Variants in SLC16A12 observed in about 807,000 individuals in gnomAD.
SLC16A12 encodes solute carrier family 16 member 12.
A neutral mutation model predicts 42.4 loss-of-function variants in SLC16A12; 17 were observed. The ratio of observed to expected loss-of-function variants is 0.40; its 90% CI spans 0.27 to 0.60. SLC16A12 has a LOEUF of 0.60. SLC16A12 is among the 20% of genes least tolerant of loss of function. The pLI is 0.42. For synonymous variants in SLC16A12, 224 were observed against 229.4 expected, an observed-to-expected ratio of 0.98 and a Z score of 0.21; for missense variants, 544 against 623.0, an observed-to-expected ratio of 0.87 and a Z score of 1.35.
At chr10:89,438,517 A>C (rs1841842250) in intron 6 of SLC16A12, 87 bp downstream of exon 6, 1 of 1,164,710 alleles carries the variant, frequency 8.6e-7, no homozygotes, top group Non-Finnish European at 1.2e-6. Context: ...ATTCAGACCT[A>C]GGTACTCCAC....
intron 2 of SLC16A12, among the ~76,000 whole-genome samples, chr10:89,519,631 G>A (rs1056807546): frequency 2.6e-5 from 4 of 151,890 alleles, no homozygotes; most frequent in Non-Finnish European, 5.9e-5. Flanking sequence ...GCTTCCCCCC[G>A]AGACTTTATG....
chr10:89,538,009 G>A (rs1184142703), upstream of SLC16A12, among the ~76,000 whole-genome samples: 2 of 152,210 alleles, frequency 1.3e-5, no homozygotes, highest in Non-Finnish European at 2.9e-5. Context: ...AGGCAGTGCC[G>A]GATACAGACG....
chr10:89,556,273 C>T (rs1403774712), intron 1 of SLC16A12, among the ~76,000 whole-genome samples: 1 of 151,944 alleles, frequency 6.6e-6, no homozygotes, highest in Non-Finnish European at 1.5e-5. Context: ...GGTGAGGGAA[C>T]TGTGTGACTC....
At chr10:89,511,682 G>T (rs1231426630) in intron 2 of SLC16A12, among the ~76,000 whole-genome samples, 2 of 152,106 alleles carry the variant, frequency 1.3e-5, no homozygotes, top group Non-Finnish European at 2.9e-5. Context: ...GTATACCTCT[G>T]TAACAAACCT....
chr10:89,546,412 G>A (rs1278220512), intron 2 of SLC16A12, among the ~76,000 whole-genome samples: 2 of 152,090 alleles, frequency 1.3e-5, no homozygotes, highest in Non-Finnish European at 2.9e-5. Context: ...ACATTTATGT[G>A]GCCAATAAAC....
At chr10:89,492,061 G>A (rs567861754) in intron 2 of SLC16A12, among the ~76,000 whole-genome samples, 9 of 152,126 alleles carry the variant, frequency 5.9e-5, no homozygotes, top group Non-Finnish European at 8.8e-5. Flanking sequence ...AAGTTATGAC[G>A]AGGAGGAAAT....
intron 2 of SLC16A12, among the ~76,000 whole-genome samples, chr10:89,554,146 A>AGG (rs1473609755): frequency 0.011 from 1,644 of 148,492 alleles, 198 homozygotes; most frequent in African/African-American, 0.038. Context: ...GAAGGAAGGA[A>AGG]AGAAAGAAAG....
At chr10:89,439,707 T>C (rs1028855021) in intron 5 of SLC16A12, among the ~76,000 whole-genome samples, 3 of 152,178 alleles carry the variant, frequency 2.0e-5, no homozygotes, top group African/African-American at 7.2e-5. Context: ...GCAATGTATA[T>C]TTTCATATAT....
chr10:89,501,714 A>G (rs1469739866), intron 2 of SLC16A12, among the ~76,000 whole-genome samples: 1 of 152,146 alleles, frequency 6.6e-6, no homozygotes, highest in Non-Finnish European at 1.5e-5. Flanking sequence ...TTACACCAGT[A>G]CACTCCAGCC....
chr10:89,556,681 G>T (rs1343609307), upstream of SLC16A12: 2 of 152,364 alleles, frequency 1.3e-5, no homozygotes, highest in Non-Finnish European at 2.9e-5. Flanking sequence ...AAGGCATGGT[G>T]CACAGAGAGA....
At chr10:89,530,479 G>A (rs187452479) in intron 2 of SLC16A12, among the ~76,000 whole-genome samples, 2,549 of 150,906 alleles carry the variant, frequency 0.017, 77 homozygotes, top group African/African-American at 0.058. Context: ...GTGCAGTGGC[G>A]GGATCTTGGC....
At chr10:89,535,718 G>A (rs982654184), upstream of SLC16A12, among the ~76,000 whole-genome samples, 1 of 151,608 alleles carries the variant, frequency 6.6e-6, no homozygotes, top group African/African-American at 2.4e-5. Context: ...GCGGTAGCGC[G>A]CGGACATGCC....
chr10:89,520,200 A>T (rs1843330474), intron 2 of SLC16A12, among the ~76,000 whole-genome samples: 1 of 152,292 alleles, frequency 6.6e-6, no homozygotes, highest in African/African-American at 2.4e-5. Context: ...AAGCTTCCAC[A>T]AAACAATCAG....
Position 89,431,243 on chromosome 10 carries a change from C to T in SLC16A12, c.*1821G>A, listed in dbSNP as rs930522799. ...TGATCTCCTGACCTCATGATCCACCCGCCTCAGCCTCCCAAAGTGCTGGGA... is the reference window on the plus strand; with the variant it reads ...TGATCTCCTGACCTCATGATCCACCTGCCTCAGCCTCCCAAAGTGCTGGGA... On this transcript the variant is annotated 3_prime_UTR_variant, in exon 8 of 8. Coordinates refer to ENST00000371790, the MANE Select transcript of SLC16A12 (RefSeq NM_213606.4). 43 of 153,484 alleles carry T rather than the reference C, an allele frequency of 2.8e-4. No homozygotes were observed. Among genetic ancestry groups the T allele is most frequent in the Admixed American group, 7.8e-4 (12 of 15,372 alleles). 9.5% of individuals were successfully genotyped at this position (153,484 alleles called of 1,614,324 possible).
At chr10:89,497,882 T>A (rs1331621904) in intron 2 of SLC16A12, among the ~76,000 whole-genome samples, 2 of 152,176 alleles carry the variant, frequency 1.3e-5, no homozygotes, top group Non-Finnish European at 2.9e-5. Context: ...TAATTATACC[T>A]CCAATATCTT....
At chr10:89,472,487 CTTTT>C (rs71022567) in intron 2 of SLC16A12, among the ~76,000 whole-genome samples, 3 of 89,914 alleles carry the variant, frequency 3.3e-5, no homozygotes, top group African/African-American at 1.2e-4. Flanking sequence ...TCTTTTCTTT[CTTTT>C]TTTTTTTTTT....
chr10:89,554,068 GAAAGAAA>G (rs1843788947), intron 2 of SLC16A12, among the ~76,000 whole-genome samples: 1 of 105,654 alleles, frequency 9.5e-6, no homozygotes. Flanking sequence ...AAGAAAGAAA[GAAAGAAA>G]GAAAGAAAGA....
At chr10:89,505,288 A>T (rs906844806) in intron 2 of SLC16A12, among the ~76,000 whole-genome samples, 1 of 151,948 alleles carries the variant, frequency 6.6e-6, no homozygotes, top group Non-Finnish European at 1.5e-5. Flanking sequence ...TGGTGGCAAC[A>T]TCTGTAGTCC....
At chr10:89,451,993 A>G (rs1842102660) in intron 3 of SLC16A12, among the ~76,000 whole-genome samples, 1 of 152,220 alleles carries the variant, frequency 6.6e-6, no homozygotes, top group African/African-American at 2.4e-5. Context: ...CTTTTGAACC[A>G]AAACCTGCTT....
Sources: allele counts gnomAD v4.1 joint callset (sites outside exome capture counted in the v4.1 genomes callset), GRCh38; gene constraint gnomAD v4.1.1; transcripts MANE v1.5; gene names NCBI Gene and HGNC (gene_info 2026-07-23, HGNC 2026-07-21).